The following AGBL4 variants were observed in gnomAD, a reference collection of about 807,000 sequenced individuals.
AGBL4 encodes AGBL carboxypeptidase 4.
Under a neutral mutation model 66.4 loss-of-function variants are expected in AGBL4, and 58 were observed. The ratio of observed to expected loss-of-function variants is 0.87; its 90% CI spans 0.71 to 1.09. AGBL4 has a LOEUF of 1.09. Ranked by LOEUF, AGBL4 falls within the 50% of genes least tolerant of loss-of-function variation. The pLI is 0.00. For missense variants in AGBL4, 579 were observed against 631.0 expected (o/e 0.92, Z 0.88); for synonymous variants, 234 against 222.9 (o/e 1.05, Z -0.44).
chr1:49,919,187 A>AC (rs1167359270), intron 1 of AGBL4, among the ~76,000 whole-genome samples: 4 of 152,066 alleles, frequency 2.6e-5, no homozygotes, highest in Non-Finnish European at 5.9e-5. Flanking sequence ...GACAGGGACG[A>AC]CCTCTCTCAC....
intron 8 of AGBL4, among the ~76,000 whole-genome samples, chr1:48,650,730 G>C (rs1645915724): frequency 6.6e-6 from 1 of 152,198 alleles, no homozygotes; most frequent in African/African-American, 2.4e-5. Context: ...CCCAAAATGT[G>C]TTTCAGAAAC....
chr1:49,135,035 AG>A (rs1645981935), intron 4 of AGBL4, among the ~76,000 whole-genome samples: 1 of 151,662 alleles, frequency 6.6e-6, no homozygotes, highest in Non-Finnish European at 1.5e-5. Flanking sequence ...TTCTTTTCCC[AG>A]GGCTGTTCAT....
intron 5 of AGBL4, among the ~76,000 whole-genome samples, chr1:48,895,758 C>T (rs1381637944): frequency 6.6e-6 from 1 of 152,166 alleles, no homozygotes; most frequent in Non-Finnish European, 1.5e-5. Context: ...ACTGGTAGGA[C>T]TCAGAAGAGC....
rs183030151 is a variant in AGBL4 at position 48,535,789 on chromosome 1, C to T, written c.1365-873G>A. On this transcript the variant is annotated intron_variant, in intron 12 of 13. Coordinates refer to ENST00000371839, the MANE Select transcript of AGBL4 (RefSeq NM_032785.4). ...ATGCCTGCCAGCTACAAAATACTTG[C>T]CAGATTTGGTAGGAGAGGAACTTCT... is the stretch of plus-strand genomic sequence containing the variant. 3.0e-3 allele frequency among the ~76,000 whole-genome samples: 462 copies of T among 152,100 alleles called. 4 individuals carry two copies. Among genetic ancestry groups the T allele is most frequent in the African/African-American group, 0.011 (445 of 41,482 alleles).
intron 2 of AGBL4, among the ~76,000 whole-genome samples, chr1:49,777,775 G>A (rs1308056191): frequency 6.6e-6 from 1 of 152,176 alleles, no homozygotes; most frequent in African/African-American, 2.4e-5. Flanking sequence ...ATGGTGGTAT[G>A]TGGATATTAG....
intron 1 of AGBL4, among the ~76,000 whole-genome samples, chr1:49,950,924 C>T (rs1162917115): frequency 2.0e-5 from 3 of 151,798 alleles, no homozygotes; most frequent in African/African-American, 7.3e-5. Flanking sequence ...GGAATCCTGT[C>T]ATTTGTGACA....
chr1:49,401,702 G>A (rs1645089463), intron 3 of AGBL4, among the ~76,000 whole-genome samples: 2 of 152,050 alleles, frequency 1.3e-5, no homozygotes, highest in South Asian at 4.1e-4. Context: ...CTCATTTAAT[G>A]AGTTTGGAAT....
intron 12 of AGBL4, among the ~76,000 whole-genome samples, chr1:48,538,696 T>C (rs1402510670): frequency 6.6e-6 from 1 of 152,190 alleles, no homozygotes; most frequent in East Asian, 1.9e-4. Context: ...AATAATACAA[T>C]GTACACAAAG....
chr1:49,114,988 T>C (rs1489159772), intron 4 of AGBL4, among the ~76,000 whole-genome samples: 1 of 152,124 alleles, frequency 6.6e-6, no homozygotes, highest in Admixed American at 6.5e-5. Context: ...ACTAAGTACA[T>C]GGTGTTGGAA....
chr1:49,817,635 A>G (rs1645264204), intron 2 of AGBL4, among the ~76,000 whole-genome samples: 2 of 152,210 alleles, frequency 1.3e-5, no homozygotes, highest in Admixed American at 1.3e-4. Context: ...GAGAGAGAAG[A>G]AAATATACAA....
intron 1 of AGBL4, among the ~76,000 whole-genome samples, chr1:49,896,493 T>A (rs1649218140): frequency 6.6e-6 from 1 of 151,810 alleles, no homozygotes; most frequent in African/African-American, 2.4e-5. Context: ...TTTAAAGCAC[T>A]AATACCAATC....
intron 5 of AGBL4, among the ~76,000 whole-genome samples, chr1:48,962,795 T>C (rs1421084421): frequency 6.6e-6 from 1 of 152,130 alleles, no homozygotes; most frequent in Non-Finnish European, 1.5e-5. Context: ...ATTTCTTCAA[T>C]TCTATATTGA....
chr1:49,708,703 C>T (rs1647395311), intron 2 of AGBL4, among the ~76,000 whole-genome samples: 1 of 152,112 alleles, frequency 6.6e-6, no homozygotes. Flanking sequence ...TCTACATTTA[C>T]TCTTTCATGT....
intron 6 of AGBL4, among the ~76,000 whole-genome samples, chr1:48,723,031 T>C (rs1647176706): frequency 6.6e-6 from 1 of 152,192 alleles, no homozygotes; most frequent in African/African-American, 2.4e-5. Context: ...TTGTTTAAGG[T>C]CACACACCAA....
intron 1 of AGBL4, among the ~76,000 whole-genome samples, chr1:49,859,695 T>C (rs1212389520): frequency 1.3e-5 from 2 of 152,110 alleles, no homozygotes; most frequent in Non-Finnish European, 2.9e-5. Flanking sequence ...CCCCCCAGTA[T>C]TGTTTACTAG....
intron 6 of AGBL4, chr1:48,776,903 G>T (rs1375796601): frequency 2.1e-5 from 20 of 969,480 alleles, no homozygotes; most frequent in East Asian, 3.3e-5. Context: ...GGGATCCGGC[G>T]GGGGGCGCGA....
intron 2 of AGBL4, among the ~76,000 whole-genome samples, chr1:49,751,624 T>A (rs1350164752): frequency 6.6e-6 from 1 of 152,182 alleles, no homozygotes; most frequent in African/African-American, 2.4e-5. Context: ...TACCTCTTGT[T>A]CTGTTGCTTA....
rs559457476 is a variant in AGBL4, at chr1:49,178,855, T to G, written c.377+66915A>C. 6.6e-5 allele frequency among the ~76,000 whole-genome samples: 10 copies of G among 152,326 alleles called. No homozygotes were observed. In the South Asian group the frequency reaches 2.1e-3, roughly 32 times the overall value. ...GAATGAATATAATCTTTAATTAGTC[T>G]TGTCACTAAAGTAGGTAAAGATTCA... On this transcript the variant is annotated intron_variant, in intron 4 of 13. Transcript: ENST00000371839.
At chr1:49,848,701 G>C (rs909768674) in intron 2 of AGBL4, among the ~76,000 whole-genome samples, 1 of 152,014 alleles carries the variant, frequency 6.6e-6, no homozygotes, top group East Asian at 1.9e-4. Flanking sequence ...TTATTTAGTC[G>C]GTACAATGTA....
Sources: gnomAD v4.1 joint callset for allele counts (sites outside exome capture counted in the v4.1 genomes callset) on GRCh38, gnomAD v4.1.1 for gene constraint, MANE v1.5 for transcripts, NCBI Gene and HGNC (gene_info 2026-07-23, HGNC 2026-07-21) for gene names.